The following ARHGEF11 variants were observed in gnomAD, a reference collection of about 807,000 sequenced individuals.
ARHGEF11 encodes Rho guanine nucleotide exchange factor 11, also known as Rho guanine exchange factor (GEF) 11.
Under a neutral mutation model 193.7 loss-of-function variants are expected in ARHGEF11, and 55 were observed. That is an observed-to-expected ratio of 0.28 (90% CI 0.23 to 0.36). The LOEUF is 0.36. Ranked by LOEUF, ARHGEF11 falls within the 10% of genes least tolerant of loss-of-function variation. The pLI, the probability that ARHGEF11 is intolerant of heterozygous loss-of-function variation, is 1.00. For missense variants in ARHGEF11, 1,723 were observed against 2,005.6 expected, an observed-to-expected ratio of 0.86 and a Z score of 2.69; for synonymous variants, 693 against 768.0, an observed-to-expected ratio of 0.90 and a Z score of 1.62.
chr1:156,978,342 A>C lies in ARHGEF11; in HGVS notation c.372T>G (p.Pro124=). 1 of 1,613,572 alleles carries C rather than the reference A, an allele frequency of 6.2e-7. No individual in the cohort carries two copies. The highest frequency in any genetic ancestry group is 8.5e-7 in the Non-Finnish European group (1 of 1,179,744). Residue 124 remains proline, a synonymous_variant, in exon 6 of 41, where the codon CCT becomes CCG. Coordinates refer to ENST00000368194, the MANE Select transcript of ARHGEF11 (RefSeq NM_198236.3). Reference sequence around the variant, plus strand: ...GGAGCCCAGAGATGCCCATGGATGAAGGTGAAGAGCCCAGGAGGGTGAGTG... The same window carrying C: ...GGAGCCCAGAGATGCCCATGGATGACGGTGAAGAGCCCAGGAGGGTGAGTG... ...YVALTLLGSS[P]SSMGISGLQQ... is the part of the protein sequence containing the mutation.
intron 22 of ARHGEF11, among the ~76,000 whole-genome samples, chr1:156,950,907 A>G (rs779763104): frequency 1.3e-4 from 20 of 152,214 alleles, no homozygotes; most frequent in African/African-American, 4.8e-5. Flanking sequence ...GTCATGCCAC[A>G]ATCAAGAGCA....
intron 20 of ARHGEF11, 34 bp from the exon 21 acceptor site, chr1:156,954,955 C>A: frequency 6.4e-7 from 1 of 1,563,166 alleles, no homozygotes; most frequent in South Asian, 1.2e-5. Context: ...AAAAGTAAAC[C>A]ATGAAAAGTC....
At chr1:157,003,995 G>A (rs538850562) in intron 1 of ARHGEF11, among the ~76,000 whole-genome samples, 1 of 152,142 alleles carries the variant, frequency 6.6e-6, no homozygotes, top group African/African-American at 2.4e-5. Context: ...TTGCTCCCTT[G>A]TATTCATCTA....
chr1:156,969,869 T>C lies in ARHGEF11; in HGVS notation c.748+129A>G. On this transcript the variant is annotated intron_variant, in intron 9 of 40. Transcript: ENST00000368194. ...TGTGTATTTGTACTGCTTTCTCCCA[T>C]TATTTCATTTCTCAGAGGGCAGGCA... is the stretch of plus-strand genomic sequence containing the variant. 4.4e-6 allele frequency: 4 copies of C among 900,630 alleles called. No homozygotes were observed. In the South Asian group the frequency reaches 6.1e-5, roughly 14 times the overall value. 55.8% of individuals were successfully genotyped at this position (900,630 alleles called of 1,614,324 possible).
chr1:156,992,578 T>A (rs1665892853), intron 1 of ARHGEF11, among the ~76,000 whole-genome samples: 1 of 150,478 alleles, frequency 6.6e-6, no homozygotes, highest in South Asian at 2.1e-4. Context: ...GTCTGCGGTG[T>A]GTCTGTGTGT....
intron 1 of ARHGEF11, among the ~76,000 whole-genome samples, chr1:157,032,919 C>A (rs1213555276): frequency 6.6e-6 from 1 of 152,158 alleles, no homozygotes; most frequent in Non-Finnish European, 1.5e-5. Flanking sequence ...TCACTCCCTG[C>A]CAGTCTCTTC....
At chr1:157,013,297 A>ACACACACACACACACACACACC (rs1203026868) in intron 1 of ARHGEF11, among the ~76,000 whole-genome samples, 2 of 150,194 alleles carry the variant, frequency 1.3e-5, no homozygotes, top group Non-Finnish European at 3.0e-5. Context: ...ACACACACAC[A>ACACACACACACACACACACACC]CACCAAGAAC....
chr1:157,021,526 TG>T (rs1361120024), intron 1 of ARHGEF11, among the ~76,000 whole-genome samples: 1 of 152,230 alleles, frequency 6.6e-6, no homozygotes, highest in Non-Finnish European at 1.5e-5. Context: ...GACCACCCTC[TG>T]GAAGTTTTCA....
At chr1:157,013,028 G>A (rs1668729364) in intron 1 of ARHGEF11, among the ~76,000 whole-genome samples, 1 of 152,010 alleles carries the variant, frequency 6.6e-6, no homozygotes, top group Non-Finnish European at 1.5e-5. Context: ...GCGTTGACAG[G>A]GCAGTGATGT....
intron 1 of ARHGEF11, among the ~76,000 whole-genome samples, chr1:157,007,902 T>G (rs1230646451): frequency 7.2e-5 from 6 of 83,008 alleles, no homozygotes; most frequent in Admixed American, 1.6e-4. Flanking sequence ...GGCAAAGGTT[T>G]TTTTTTTTTT....
At chr1:157,043,394 A>T (rs1471871321) in intron 1 of ARHGEF11, among the ~76,000 whole-genome samples, 1 of 152,180 alleles carries the variant, frequency 6.6e-6, no homozygotes, top group African/African-American at 2.4e-5. Flanking sequence ...GGAGGGAAGG[A>T]AAAGGCAGAC....
At position 156,938,482 on chromosome 1, in the gene ARHGEF11, T is replaced by A. The variant is rs778753913; in HGVS notation, c.4128A>T (p.Ala1376=). ...AEVAGSKVVP[A]LPESGQSEPG... ...GCTCTGACTGGCCACTCTCTGGTAG[T>A]GCAGGGACAACCTTGCTGCCTGCCA... The change falls in exon 38 of 41, where the codon GCA becomes GCT. Residue 1376 remains alanine (A), a synonymous_variant. Transcript: ENST00000368194. 4 of 1,613,586 alleles carry A rather than the reference T, an allele frequency of 2.5e-6. No homozygotes were observed. Among genetic ancestry groups the A allele is most frequent in the Non-Finnish European group, 3.4e-6 (4 of 1,179,748 alleles).
intron 1 of ARHGEF11, among the ~76,000 whole-genome samples, chr1:157,017,697 A>G (rs1418379702): frequency 7.9e-6 from 1 of 126,440 alleles, no homozygotes; most frequent in African/African-American, 3.1e-5. Flanking sequence ...ACAGAGTGAG[A>G]CTCCGTCTCA....
chr1:156,935,594 G>T lies in ARHGEF11; in HGVS notation c.*406C>A, dbSNP rs183868852. 4 of 173,172 alleles carry T rather than the reference G, an allele frequency of 2.3e-5. No homozygotes were observed. In the East Asian group the frequency reaches 4.7e-4, roughly 20 times the overall value. The allele number at this position is 173,172 out of a possible 1,614,324, so 10.7% of individuals were successfully genotyped here. On this transcript the variant is annotated 3_prime_UTR_variant, in exon 41 of 41. Transcript: ENST00000368194. Reference sequence around the variant, plus strand: ...GGGGAGGCACCCACCTCTGCCTGGGGTCTTATGGAGAAAGAGGGGAGGAAG... The same window carrying T: ...GGGGAGGCACCCACCTCTGCCTGGGTTCTTATGGAGAAAGAGGGGAGGAAG...
In ARHGEF11 at chr1:156,934,960, T is replaced by C. The variant is rs1424129748; in HGVS notation, c.*1040A>G. On this transcript the variant is annotated 3_prime_UTR_variant, in exon 41 of 41. Coordinates refer to ENST00000368194, the MANE Select transcript of ARHGEF11 (RefSeq NM_198236.3). ...CCATATCTATATTTTATATATTATA[T>C]ATATATTTATATATATATATATGTA... The C allele has an allele frequency of 6.7e-6, 1 of 148,216 alleles. No individual in the cohort carries two copies. Among genetic ancestry groups the C allele is most frequent in the African/African-American group, 2.5e-5 (1 of 40,768 alleles). The allele number at this position is 148,216 out of a possible 1,614,324, so 9.2% of individuals were successfully genotyped here. A position where few individuals can be genotyped will look rare whatever the true frequency, so the allele number is the denominator to read the frequency against.
At position 156,955,612 on chromosome 1, in the gene ARHGEF11, C is replaced by T. The variant is rs1659837558; in HGVS notation, c.1768+91G>A. Reference sequence around the variant, plus strand: ...TTTGGGCCTGTGGCTCCCAGAAACACAGGAAGGCCCTCTGCCAACATACTG... The same window carrying T: ...TTTGGGCCTGTGGCTCCCAGAAACATAGGAAGGCCCTCTGCCAACATACTG... On this transcript the variant is annotated intron_variant, in intron 20 of 40. Transcript: ENST00000368194. 6.9e-6 allele frequency: 7 copies of T among 1,017,652 alleles called. No individual in the cohort carries two copies. The East Asian group carries it at 1.7e-4, about 24-fold the overall frequency. 63.0% of individuals were successfully genotyped at this position (1,017,652 alleles called of 1,614,324 possible). A position where few individuals can be genotyped will look rare whatever the true frequency, so the allele number is the denominator to read the frequency against.
At chr1:156,968,709 C>T (rs1662080827) in intron 10 of ARHGEF11, among the ~76,000 whole-genome samples, 1 of 152,242 alleles carries the variant, frequency 6.6e-6, no homozygotes, top group South Asian at 2.1e-4. Context: ...AACTTCATTA[C>T]TACTTCTTCC....
chr1:157,020,125 GA>G (rs200320955), intron 1 of ARHGEF11, among the ~76,000 whole-genome samples: 122 of 136,810 alleles, frequency 8.9e-4, no homozygotes, highest in African/African-American at 1.6e-3. Flanking sequence ...CTCTGTCTCA[GA>G]AAAAAAAAAA....
At chr1:156,977,939 G>C (rs1456303825) in intron 6 of ARHGEF11, among the ~76,000 whole-genome samples, 1 of 152,190 alleles carries the variant, frequency 6.6e-6, no homozygotes, top group Non-Finnish European at 1.5e-5. Context: ...AGCATCCTTA[G>C]AGTCTTCTAC....
Sources: allele counts gnomAD v4.1 joint callset (sites outside exome capture counted in the v4.1 genomes callset), GRCh38; gene constraint gnomAD v4.1.1; transcripts MANE v1.5; gene names NCBI Gene and HGNC (gene_info 2026-07-23, HGNC 2026-07-21).